ECHDC1: variants seen among roughly 807,000 people sequenced by gnomAD.
The protein encoded by ECHDC1 is ethylmalonyl-CoA decarboxylase.
Under a neutral mutation model 29.7 loss-of-function variants are expected in ECHDC1, and 29 were observed. That is an observed-to-expected ratio of 0.98 (90% confidence interval 0.73 to 1.33). The LOEUF is 1.33. ECHDC1 is among the 40% of genes most tolerant of loss of function. ECHDC1 has a pLI of 0.00. For synonymous variants in ECHDC1, 126 were observed against 123.1 expected (o/e 1.02, Z -0.15); for missense variants, 328 against 350.0 (o/e 0.94, Z 0.50).
At position 127,327,160 on chromosome 6, in the gene ECHDC1, G is replaced by C. The variant is rs745963743; in HGVS notation, c.221-16C>G. 6.8e-6 allele frequency: 11 copies of C among 1,609,364 alleles called. No homozygotes were observed. The highest frequency in any genetic ancestry group is 9.3e-6 in the Non-Finnish European group (11 of 1,177,916). On this transcript the variant is annotated splice_polypyrimidine_tract_variant and intron_variant, in intron 2 of 5. Transcript: ENST00000454859. ...ATCATAACACCTGCCAGAGATGGAA[G>C]TGGGAAATCACAAATATATGAAGGT...
intron 3 of ECHDC1, among the ~76,000 whole-genome samples, chr6:127,324,347 G>C (rs910613555): frequency 3.9e-5 from 6 of 152,148 alleles, no homozygotes; most frequent in Non-Finnish European, 8.8e-5. Context: ...AAAAACGCCT[G>C]TGAGATAGAT....
rs138631051 is a variant in ECHDC1, at chr6:127,312,617, C to T, written c.497+2199G>A. 7.4e-4 allele frequency among the ~76,000 whole-genome samples: 112 copies of T among 152,282 alleles called. 4 individuals are homozygous for T. The East Asian group carries it at 0.011, about 15-fold the overall frequency. ...AAAGATATGACAACATATGCCCACA[C>T]AAATACTTATACATGAATGTTCACA... On this transcript the variant is annotated intron_variant, in intron 5 of 5. Coordinates refer to ENST00000454859, the MANE Select transcript of ECHDC1 (RefSeq NM_001002030.2).
At chr6:127,310,216 C>T (rs927894483) in intron 5 of ECHDC1, among the ~76,000 whole-genome samples, 7 of 152,024 alleles carry the variant, frequency 4.6e-5, no homozygotes, top group African/African-American at 1.7e-4. Flanking sequence ...CCTAATTATA[C>T]ATTTAAAAAC....
chr6:127,339,718 A>G (rs916770568), intron 1 of ECHDC1, among the ~76,000 whole-genome samples: 10 of 149,932 alleles, frequency 6.7e-5, no homozygotes, highest in Admixed American at 6.0e-4. Flanking sequence ...AATTGCAGTG[A>G]GCCAAGATCA....
At chr6:127,338,665 T>C (rs539307287) in intron 1 of ECHDC1, among the ~76,000 whole-genome samples, 1 of 152,184 alleles carries the variant, frequency 6.6e-6, no homozygotes, top group African/African-American at 2.4e-5. Context: ...ACCAGAATTA[T>C]CCTACATATG....
chr6:127,333,091 C>A (rs1157755185), intron 1 of ECHDC1, among the ~76,000 whole-genome samples: 1 of 152,158 alleles, frequency 6.6e-6, no homozygotes, highest in Non-Finnish European at 1.5e-5. Context: ...CCACGCCCAG[C>A]CCAGAGGGAT....
intron 5 of ECHDC1, among the ~76,000 whole-genome samples, chr6:127,293,860 ATC>A (rs1275672784): frequency 1.3e-5 from 2 of 152,152 alleles, no homozygotes; most frequent in African/African-American, 4.8e-5. Flanking sequence ...AAATCCCATA[ATC>A]TCTAAAATAT....
chr6:127,334,819 T>A (rs1784293644), intron 1 of ECHDC1, among the ~76,000 whole-genome samples: 1 of 151,852 alleles, frequency 6.6e-6, no homozygotes, highest in Non-Finnish European at 1.5e-5. Flanking sequence ...AATCACTCCC[T>A]TTATTTATCC....
intron 1 of ECHDC1, among the ~76,000 whole-genome samples, chr6:127,338,888 G>C (rs1784667823): frequency 6.6e-6 from 1 of 151,958 alleles, no homozygotes; most frequent in Non-Finnish European, 1.5e-5. Flanking sequence ...TCAAAATACG[G>C]GTATGTTCTA....
chr6:127,304,559 CA>C (rs879685108), intron 5 of ECHDC1, among the ~76,000 whole-genome samples: 4 of 152,144 alleles, frequency 2.6e-5, no homozygotes, highest in Admixed American at 1.3e-4. Flanking sequence ...CTAAACAAGG[CA>C]CCACAGACCA....
chr6:127,310,947 T>C (rs925251879), intron 5 of ECHDC1, among the ~76,000 whole-genome samples: 2 of 152,200 alleles, frequency 1.3e-5, no homozygotes, highest in Non-Finnish European at 1.5e-5. Flanking sequence ...GCTCAGATGA[T>C]TGGTAGCATT....
At chr6:127,295,150 T>C (rs1020334267) in intron 5 of ECHDC1, among the ~76,000 whole-genome samples, 1 of 152,138 alleles carries the variant, frequency 6.6e-6, no homozygotes. Flanking sequence ...GGTTTCACCA[T>C]GTTGGCCAGG....
At position 127,314,838 on chromosome 6, in the gene ECHDC1, A is replaced by G; in HGVS notation, c.475T>C (p.Phe159Leu). Residue 159 changes from phenylalanine to leucine, a missense_variant, in exon 5 of 6, where the codon TTT becomes CTT. Phe to Leu is a conservative substitution (Grantham distance 22). Transcript: ENST00000454859. ...QGWALGGGAE[F>L]TTACDFRLMT... ...TACCTGAAATCACATGCTGTAGTAA[A>G]TTCTGCTCCTCCACCCAATGCCCAA... is the stretch of plus-strand genomic sequence containing the variant. 1 of 1,611,084 alleles carries G rather than the reference A, an allele frequency of 6.2e-7. No homozygotes were observed. Among genetic ancestry groups the G allele is most frequent in the Non-Finnish European group, 8.5e-7 (1 of 1,178,672 alleles).
intron 2 of ECHDC1, 145 bp downstream of exon 2, chr6:127,330,662 CAG>C: frequency 1.6e-6 from 1 of 629,994 alleles, no homozygotes; most frequent in Non-Finnish European, 2.7e-6. Flanking sequence ...GTTCATATTA[CAG>C]AGTTGTTGTT....
At chr6:127,328,284 T>C (rs1418002382) in intron 2 of ECHDC1, among the ~76,000 whole-genome samples, 4 of 152,208 alleles carry the variant, frequency 2.6e-5, no homozygotes, top group Non-Finnish European at 4.4e-5. Context: ...AAGATTAAAA[T>C]AGAGCTAAAA....
intron 1 of ECHDC1, among the ~76,000 whole-genome samples, chr6:127,337,829 C>T (rs751148862): frequency 6.6e-6 from 1 of 152,166 alleles, no homozygotes; most frequent in Non-Finnish European, 1.5e-5. Flanking sequence ...CTTTCACTAC[C>T]CTTAGACCGA....
intron 5 of ECHDC1, among the ~76,000 whole-genome samples, chr6:127,303,347 A>G (rs1454576125): frequency 1.3e-5 from 2 of 152,240 alleles, no homozygotes; most frequent in Non-Finnish European, 1.5e-5. Flanking sequence ...ATACAACAGG[A>G]AAGTTCTTGA....
chr6:127,343,235 G>C (rs1364680851), intron 1 of ECHDC1, 101 bp downstream of exon 1: 1 of 152,216 alleles, frequency 6.6e-6, no homozygotes, highest in Non-Finnish European at 1.5e-5. Flanking sequence ...GGACACGTTT[G>C]GAGAAGCGAG....
intron 3 of ECHDC1, among the ~76,000 whole-genome samples, chr6:127,322,134 T>C (rs1011619189): frequency 1.9e-4 from 29 of 151,948 alleles, no homozygotes; most frequent in African/African-American, 7.0e-4. Flanking sequence ...GGTGAAACCC[T>C]GTCTCTACTA....
Sources: gnomAD v4.1 joint callset for allele counts (sites outside exome capture counted in the v4.1 genomes callset) on GRCh38, gnomAD v4.1.1 for gene constraint, MANE v1.5 for transcripts, NCBI Gene and HGNC (gene_info 2026-07-23, HGNC 2026-07-21) for gene names.